Variants in ADAMTS9 observed in about 807,000 individuals in gnomAD.
ADAMTS9 encodes A disintegrin and metalloproteinase with thrombospondin motifs 9.
Under a neutral mutation model 257.1 loss-of-function variants are expected in ADAMTS9, and 107 were observed. The observed-to-expected ratio is 0.42, with a 90% CI of 0.36 to 0.49. The LOEUF (loss-of-function observed/expected upper bound fraction) is 0.49, where lower values mean the gene tolerates loss of function less well. Among genes scored for constraint, ADAMTS9 ranks in the 20% least tolerant of loss-of-function variants. ADAMTS9 has a pLI of 0.03. For synonymous variants in ADAMTS9, 982 were observed against 880.9 expected (o/e 1.11, Z -2.03); for missense variants, 2,353 against 2,469.1 (o/e 0.95, Z 1.00).
chr3:64,648,140 G>A (rs1700841969), intron 10 of ADAMTS9, 96 bp from the exon 11 acceptor site: 1 of 1,089,462 alleles, frequency 9.2e-7, no homozygotes, highest in Non-Finnish European at 1.3e-6. Context: ...TTTCACCAAT[G>A]ACATAGGGTA....
rs1325898958 is a variant in ADAMTS9, at chr3:64,686,577, G to A, written c.507C>T (p.Cys169=). Residue 169 remains cysteine, a synonymous_variant, in exon 2 of 40, where the codon TGC becomes TGT. Transcript: ENST00000498707. This position sits in a 1 kb window ranked among gnomAD's most constrained non-coding sequence, Gnocchi z 4.6. ...GCGCGCGCCCACTTACCATTCCTGA[G>A]CAGAGGCTGATGACGGCCGTGTGCT... ...NSEHTAVISL[C]SGMLGTFRSH... is the part of the protein sequence containing the mutation. The A allele has an allele frequency of 6.2e-7, 1 of 1,609,254 alleles. No homozygotes were observed. Among genetic ancestry groups the A allele is most frequent in the African/African-American group, 1.3e-5 (1 of 74,884 alleles).
intron 28 of ADAMTS9, among the ~76,000 whole-genome samples, chr3:64,571,549 C>A: frequency 6.6e-6 from 1 of 152,176 alleles, no homozygotes; most frequent in East Asian, 1.9e-4. Context: ...TCTGGACTAG[C>A]TGTAACCTAC....
intron 28 of ADAMTS9, chr3:64,589,457 G>A (rs1201854534): frequency 6.6e-6 from 1 of 152,190 alleles, no homozygotes; most frequent in Non-Finnish European, 1.5e-5. Flanking sequence ...CACTGAAGTA[G>A]ATTATCGGCT....
At chr3:64,578,022 G>T (rs552724480) in intron 28 of ADAMTS9, among the ~76,000 whole-genome samples, 227 of 152,286 alleles carry the variant, frequency 1.5e-3, no homozygotes, top group African/African-American at 5.3e-3. Flanking sequence ...ACATTTTCGG[G>T]AAGCAGCTTA....
intron 3 of ADAMTS9, among the ~76,000 whole-genome samples, chr3:64,668,429 G>T (rs962661450): frequency 6.6e-6 from 1 of 152,128 alleles, no homozygotes; most frequent in African/African-American, 2.4e-5. Context: ...AGCGTATTAC[G>T]GGAGATAAGA....
intron 19 of ADAMTS9, among the ~76,000 whole-genome samples, chr3:64,618,205 A>T (rs1700012828): frequency 6.6e-6 from 1 of 152,140 alleles, no homozygotes; most frequent in Non-Finnish European, 1.5e-5. Flanking sequence ...TTGCATTTTA[A>T]AATTCCTAAC....
chr3:64,584,629 T>G (rs931290753), intron 28 of ADAMTS9, among the ~76,000 whole-genome samples: 2 of 152,302 alleles, frequency 1.3e-5, no homozygotes, highest in East Asian at 3.9e-4. Flanking sequence ...TTAAGAAATT[T>G]TATAAAGTAA....
At chr3:64,642,964 C>T (rs1700692430) in intron 11 of ADAMTS9, among the ~76,000 whole-genome samples, 1 of 152,020 alleles carries the variant, frequency 6.6e-6, no homozygotes, top group Non-Finnish European at 1.5e-5. Flanking sequence ...CAGGCCCCAC[C>T]CCCACACAAG....
At chr3:64,523,619 G>A (rs2082877465) in intron 38 of ADAMTS9, among the ~76,000 whole-genome samples, 1 of 152,150 alleles carries the variant, frequency 6.6e-6, no homozygotes, top group Admixed American at 6.5e-5. Flanking sequence ...AAAGCCTATG[G>A]TTATTCACTG....
At chr3:64,618,262 C>A (rs571016648) in intron 19 of ADAMTS9, among the ~76,000 whole-genome samples, 1 of 152,252 alleles carries the variant, frequency 6.6e-6, no homozygotes, top group South Asian at 2.1e-4. Flanking sequence ...AATCCCTTTA[C>A]CTTTTCTTTA....
chr3:64,545,499 A>G (rs1438373934), intron 32 of ADAMTS9, among the ~76,000 whole-genome samples: 1 of 152,162 alleles, frequency 6.6e-6, no homozygotes. Flanking sequence ...TCAGCAAACT[A>G]TCACAAGGAC....
chr3:64,559,454 G>T (rs537552274), intron 30 of ADAMTS9, among the ~76,000 whole-genome samples: 2 of 152,276 alleles, frequency 1.3e-5, no homozygotes, highest in South Asian at 4.1e-4. Flanking sequence ...TTGGGTGAAG[G>T]CAGATGAGAA....
chr3:64,663,072 C>T (rs1193616415), intron 3 of ADAMTS9, among the ~76,000 whole-genome samples: 1 of 152,006 alleles, frequency 6.6e-6, no homozygotes, highest in African/African-American at 2.4e-5. Context: ...TGAAAGAATT[C>T]TAGTCTCAAG....
At chr3:64,595,207 C>G (rs971719195) in intron 27 of ADAMTS9, among the ~76,000 whole-genome samples, 1 of 152,166 alleles carries the variant, frequency 6.6e-6, no homozygotes, top group African/African-American at 2.4e-5. Context: ...TCTCTGACTC[C>G]GTCTCCATAG....
chr3:64,531,649 CA>C (rs1340555491), intron 38 of ADAMTS9, among the ~76,000 whole-genome samples: 1 of 152,102 alleles, frequency 6.6e-6, no homozygotes, highest in Non-Finnish European at 1.5e-5. Context: ...AAAGTTTTTG[CA>C]AAACCAGGGT....
rs73122257 is a variant in ADAMTS9 at position 64,623,697 on chromosome 3, C to G, written c.2390-1111G>C. Among the ~76,000 whole-genome samples, 477 of 152,296 alleles carry G rather than the reference C, an allele frequency of 3.1e-3. 2 individuals carry two copies. The highest frequency in any genetic ancestry group is 0.018 in the South Asian group (89 of 4,824). On this transcript the variant is annotated intron_variant, in intron 16 of 39. Transcript: ENST00000498707. ...CCATTGTTAGCACATATTACATACT[C>G]TCTATCCGCTTTCTCATCTTTCTCC...
intron 27 of ADAMTS9, 101 bp from the exon 28 acceptor site, chr3:64,594,535 G>C: frequency 7.0e-7 from 1 of 1,438,278 alleles, no homozygotes; most frequent in Non-Finnish European, 9.6e-7. Context: ...TATGGCATTG[G>C]GCAAGGTAAG....
chr3:64,642,295 G>T (rs1213671242), intron 11 of ADAMTS9, among the ~76,000 whole-genome samples: 1 of 152,152 alleles, frequency 6.6e-6, no homozygotes, highest in Non-Finnish European at 1.5e-5. Flanking sequence ...GGAAAAACCA[G>T]GAGTGGAAAT....
At chr3:64,531,470 TAAA>T (rs35413211) in intron 38 of ADAMTS9, among the ~76,000 whole-genome samples, 4 of 139,508 alleles carry the variant, frequency 2.9e-5, no homozygotes, top group Non-Finnish European at 4.7e-5. Context: ...ATTGTGTACT[TAAA>T]AAAAAAAAAA....
Sources: gnomAD v4.1 joint callset for allele counts (sites outside exome capture counted in the v4.1 genomes callset) on GRCh38, gnomAD v4.1.1 for gene constraint, Gnocchi (gnomAD v3.1) non-coding constraint, MANE v1.5 for transcripts, NCBI Gene and HGNC (gene_info 2026-07-23, HGNC 2026-07-21) for gene names.